The following SYCP1 variants were observed in gnomAD, a reference collection of about 807,000 sequenced individuals.
SYCP1 encodes the protein cancer/testis antigen 8.
In SYCP1, 64 loss-of-function variants were observed where a neutral mutation model predicts 153.1. The ratio of observed to expected loss-of-function variants is 0.42; its 90% CI spans 0.34 to 0.51. The LOEUF is 0.51. Ranked by LOEUF, SYCP1 falls within the 20% of genes least tolerant of loss-of-function variation. The pLI, the probability that SYCP1 is intolerant of heterozygous loss-of-function variation, is 0.06. For missense variants in SYCP1, 997 were observed against 1,049.0 expected (o/e 0.95, Z 0.68); for synonymous variants, 384 against 341.8 (o/e 1.12, Z -1.36).
At position 114,860,132 on chromosome 1, in the gene SYCP1, T is replaced by C. The variant is rs201198973; in HGVS notation, c.524+322T>C. On this transcript the variant is annotated intron_variant, in intron 7 of 31. Transcript: ENST00000369522. Reference sequence around the variant, plus strand: ...TGTTTCACTGCTGTCTTGAGTACAGTACTTATAAAACAGGACTTAACTTAG... The same window carrying C: ...TGTTTCACTGCTGTCTTGAGTACAGCACTTATAAAACAGGACTTAACTTAG... 9.2e-5 allele frequency among the ~76,000 whole-genome samples: 14 copies of C among 152,294 alleles called. No homozygotes were observed. In the East Asian group the frequency reaches 2.7e-3, roughly 29 times the overall value.
At chr1:114,896,790 G>T (rs1301948659) in intron 16 of SYCP1, among the ~76,000 whole-genome samples, 1 of 152,184 alleles carries the variant, frequency 6.6e-6, no homozygotes, top group Non-Finnish European at 1.5e-5. Context: ...TGGTTTGGAG[G>T]TTTTGTTATT....
chr1:114,977,576 C>A lies in SYCP1; in HGVS notation c.2342C>A (p.Ala781Glu). The A allele has an allele frequency of 6.7e-7, 1 of 1,489,214 alleles. No individual in the cohort carries two copies. Among genetic ancestry groups the A allele is most frequent in the South Asian group, 1.3e-5 (1 of 74,282 alleles). The allele number at this position is 1,489,214 out of a possible 1,614,324, so 92.3% of individuals were successfully genotyped here. A position where few individuals can be genotyped will look rare whatever the true frequency, so the allele number is the denominator to read the frequency against. ...TAATAGGAAAAACTCAAAAGAGAGG[C>A]AAAAGAAAACACAGCTACTCTTAAA... ...REEKEKLKREAKENTATLKEK... is the reference protein window; with the variant it reads ...REEKEKLKREEKENTATLKEK... Residue 781 changes from alanine (A) to glutamate (E), a missense_variant, in exon 28 of 32, where the codon GCA (alanine) becomes GAA (glutamate). Physicochemically the swap from Ala to Glu is moderately radical, Grantham distance 107. This residue lies in a region of SYCP1 where 712 missense variants were observed against 682.9 expected (regional missense o/e 1.04). Coordinates refer to ENST00000369522, the MANE Select transcript of SYCP1 (RefSeq NM_003176.4).
intron 21 of SYCP1, 29 bp from the exon 22 acceptor site, chr1:114,926,249 A>G: frequency 6.9e-7 from 1 of 1,455,424 alleles, no homozygotes; most frequent in Non-Finnish European, 9.2e-7. Context: ...TACTGAATAA[A>G]ATAGCTATAA....
chr1:114,923,706 T>C, intron 21 of SYCP1, 176 bp downstream of exon 21: 1 of 474,196 alleles, frequency 2.1e-6, no homozygotes. Flanking sequence ...TTACTATTGA[T>C]ATCTATATCT....
chr1:114,987,400 C>T (rs1344384569), intron 30 of SYCP1, among the ~76,000 whole-genome samples: 2 of 152,034 alleles, frequency 1.3e-5, no homozygotes, highest in Non-Finnish European at 1.5e-5. Flanking sequence ...GGCACAATAG[C>T]TCACGCCTGT....
At chr1:114,945,459 C>T (rs1002358223) in intron 25 of SYCP1, among the ~76,000 whole-genome samples, 5 of 151,454 alleles carry the variant, frequency 3.3e-5, no homozygotes, top group African/African-American at 1.2e-4. Flanking sequence ...AAGCCTCATT[C>T]CCCTTAAGAT....
chr1:114,936,636 T>C (rs1670033290), intron 23 of SYCP1, among the ~76,000 whole-genome samples: 1 of 152,202 alleles, frequency 6.6e-6, no homozygotes, highest in African/African-American at 2.4e-5. Context: ...GATGACATGA[T>C]TGTATATTTA....
intron 27 of SYCP1, among the ~76,000 whole-genome samples, chr1:114,958,383 G>A (rs956438323): frequency 3.9e-5 from 6 of 152,070 alleles, no homozygotes; most frequent in African/African-American, 1.4e-4. Flanking sequence ...TAGCACAATA[G>A]GGCTAGTGTA....
chr1:114,911,496 G>T lies in SYCP1; in HGVS notation c.1443G>T (p.Leu481Phe). ...LQAREKEVHD[L>F]EIQLTAITTS... is the part of the protein sequence containing the mutation. ...TTTTGCAGAAAGAAGTACATGATTT[G>T]GAAATACAGTTAACTGCCATTACCA... The change falls in exon 18 of 32, where the codon TTG (leucine) becomes TTT (phenylalanine). Residue 481 changes from leucine to phenylalanine, a missense_variant. Transcript: ENST00000369522. The T allele has an allele frequency of 1.9e-6, 3 of 1,551,978 alleles. No individual in the cohort carries two copies. The highest frequency in any genetic ancestry group is 2.5e-5 in the East Asian group (1 of 39,974).
intron 8 of SYCP1, among the ~76,000 whole-genome samples, chr1:114,865,114 G>A (rs986808516): frequency 6.6e-6 from 1 of 152,076 alleles, no homozygotes; most frequent in Non-Finnish European, 1.5e-5. Context: ...AGAATTTTAA[G>A]TTCTTTGCTG....
chr1:114,920,124 A>G (rs1213090764), intron 20 of SYCP1, among the ~76,000 whole-genome samples: 1 of 151,914 alleles, frequency 6.6e-6, no homozygotes, highest in East Asian at 1.9e-4. Context: ...GGCACTTACA[A>G]ACACACCTCT....
chr1:114,955,284 GGA>G (rs139654068), intron 27 of SYCP1, among the ~76,000 whole-genome samples: 6 of 151,118 alleles, frequency 4.0e-5, no homozygotes, highest in Non-Finnish European at 5.9e-5. Context: ...TGAGAAACAG[GGA>G]GAGAGAGAGA....
intron 5 of SYCP1, 107 bp downstream of exon 5, chr1:114,857,604 G>T: frequency 1.1e-6 from 1 of 885,764 alleles, no homozygotes; most frequent in South Asian, 2.8e-5. Flanking sequence ...TTTGATTAAC[G>T]TTTTAAGATA....
chr1:114,907,707 G>A (rs374995595), intron 16 of SYCP1, among the ~76,000 whole-genome samples: 57 of 151,232 alleles, frequency 3.8e-4, no homozygotes, highest in Non-Finnish European at 4.4e-4. Flanking sequence ...TCAGCCTCCC[G>A]AGTAGCTGGG....
At chr1:114,920,950 T>C (rs1417749373) in intron 20 of SYCP1, among the ~76,000 whole-genome samples, 1 of 152,152 alleles carries the variant, frequency 6.6e-6, no homozygotes, top group Non-Finnish European at 1.5e-5. Flanking sequence ...CTATGTCTTT[T>C]GATTGAAGAG....
At chr1:114,899,983 C>T (rs1436946723) in intron 16 of SYCP1, among the ~76,000 whole-genome samples, 1 of 152,168 alleles carries the variant, frequency 6.6e-6, no homozygotes, top group Non-Finnish European at 1.5e-5. Context: ...TTCCAGATGA[C>T]ATAAATCATT....
intron 27 of SYCP1, among the ~76,000 whole-genome samples, chr1:114,956,136 CA>C (rs1392161145): frequency 6.6e-6 from 1 of 152,160 alleles, no homozygotes; most frequent in African/African-American, 2.4e-5. Context: ...ATAGGATCAC[CA>C]ACCTCTTTCC....
intron 12 of SYCP1, among the ~76,000 whole-genome samples, chr1:114,883,908 G>A (rs181387833): frequency 7.0e-4 from 106 of 152,198 alleles, no homozygotes; most frequent in Admixed American, 2.4e-3. Flanking sequence ...GGCCAGGATG[G>A]TCTCGAACTC....
chr1:114,971,371 G>A (rs1466165963), intron 27 of SYCP1, among the ~76,000 whole-genome samples: 5 of 151,986 alleles, frequency 3.3e-5, no homozygotes, highest in East Asian at 1.9e-4. Flanking sequence ...TGTACAGTTC[G>A]CCAGGGAAGT....
Sources: allele counts gnomAD v4.1 joint callset (sites outside exome capture counted in the v4.1 genomes callset), GRCh38; gene constraint gnomAD v4.1.1; regional missense constraint gnomAD v4.1.1; transcripts MANE v1.5; gene names NCBI Gene and HGNC (gene_info 2026-07-23, HGNC 2026-07-21).